Variants in FGFR2 observed in about 807,000 individuals in gnomAD.
The protein encoded by FGFR2 is fibroblast growth factor receptor 2.
A neutral mutation model predicts 95.9 loss-of-function variants in FGFR2; 19 were observed. The ratio of observed to expected loss-of-function variants is 0.20; its 90% CI spans 0.14 to 0.29. The LOEUF (loss-of-function observed/expected upper bound fraction) is 0.29. Among genes scored for constraint, FGFR2 ranks in the 10% least tolerant of loss-of-function variants. The pLI, the probability that FGFR2 is intolerant of heterozygous loss-of-function variation, is 1.00. For synonymous variants in FGFR2, 392 were observed against 393.3 expected (o/e 1.00, Z 0.04); for missense variants, 707 against 1,056.9 (o/e 0.67, Z 4.59).
intron 1 of FGFR2, among the ~76,000 whole-genome samples, chr10:121,596,046 T>A: frequency 6.6e-6 from 1 of 152,364 alleles, no homozygotes; most frequent in African/African-American, 2.4e-5. Flanking sequence ...GTGTTGGGAA[T>A]ACAGGCCCAG....
At chr10:121,550,456 C>A (rs556815556) in intron 5 of FGFR2, among the ~76,000 whole-genome samples, 1 of 152,248 alleles carries the variant, frequency 6.6e-6, no homozygotes, top group Admixed American at 6.5e-5. Context: ...GAGACAGCTG[C>A]CAATTTCAAA....
rs369690439 is a variant in FGFR2 at position 121,524,719 on chromosome 10, G to A, written c.749-4550C>T. ...TGATGGCAGGGTGCAGATGGTGGACGAGGATGCAGGCTGGGCAGAGTGGGG... is the reference window on the plus strand; with the variant it reads ...TGATGGCAGGGTGCAGATGGTGGACAAGGATGCAGGCTGGGCAGAGTGGGG... On this transcript the variant is annotated intron_variant, in intron 6 of 17. Transcript: ENST00000358487. 6.6e-5 allele frequency among the ~76,000 whole-genome samples: 10 copies of A among 152,336 alleles called. No homozygotes were observed. In the East Asian group the frequency reaches 9.7e-4, roughly 15 times the overall value.
chr10:121,551,376 G>A lies in FGFR2; in HGVS notation c.538C>T (p.Pro180Ser), dbSNP rs2134835543. The change falls in exon 5 of 18, where the codon CCA becomes TCA. Residue 180 changes from proline (P) to serine (S), a missense_variant. By Grantham distance (74) the Pro-to-Ser change is moderately conservative (BLOSUM62 -1). Around this residue, in one of 7 missense-constraint regions of FGFR2, gnomAD observed 139 missense variants for 278.1 expected, o/e 0.50. Coordinates refer to ENST00000358487, the MANE Select transcript of FGFR2 (RefSeq NM_000141.5). ...GTTGGCATTGGGTTCCCCCCGGCTG[G>A]GCAGCGAAACTTGACAGTGTTGGCC... is the stretch of plus-strand genomic sequence containing the variant. ...PAANTVKFRC[P>S]AGGNPMPTMR... The A allele has an allele frequency of 6.2e-7, 1 of 1,614,146 alleles. No individual in the cohort carries two copies. The highest frequency in any genetic ancestry group is 8.5e-7 in the Non-Finnish European group (1 of 1,180,034).
At chr10:121,580,594 C>T (rs979482686) in intron 2 of FGFR2, among the ~76,000 whole-genome samples, 3 of 152,134 alleles carry the variant, frequency 2.0e-5, no homozygotes, top group Non-Finnish European at 4.4e-5. Context: ...GGGCGGGACA[C>T]GGTCCCAGCT....
chr10:121,519,228 G>A (rs993267222), intron 7 of FGFR2, among the ~76,000 whole-genome samples: 1 of 152,176 alleles, frequency 6.6e-6, no homozygotes, highest in Non-Finnish European at 1.5e-5. Flanking sequence ...CATGGGAGGC[G>A]TGGTAGGCAA....
At chr10:121,538,235 T>C (rs532819479) in intron 6 of FGFR2, 1 of 647,524 alleles carries the variant, frequency 1.5e-6, no homozygotes, top group East Asian at 2.7e-5. Flanking sequence ...AAATGATGCT[T>C]CTCTTTTAAA....
rs1857516569 is a variant in FGFR2, at chr10:121,565,325, A to G, written c.376+113T>C. On this transcript the variant is annotated intron_variant, in intron 3 of 17. Transcript: ENST00000358487. ...CAAAGAAGAATTTCAAAAACTATGA[A>G]GCTGTATGCCTGGCATCCAATTACA... The G allele has an allele frequency of 1.0e-5, 14 of 1,365,578 alleles. No individual in the cohort carries two copies. The Middle Eastern group carries it at 1.5e-3, about 143-fold the overall frequency. 84.6% of individuals were successfully genotyped at this position (1,365,578 alleles called of 1,614,324 possible).
At chr10:121,513,082 C>T (rs528775268) in intron 9 of FGFR2, among the ~76,000 whole-genome samples, 2 of 152,274 alleles carry the variant, frequency 1.3e-5, no homozygotes, top group East Asian at 3.9e-4. Flanking sequence ...GTTAGTCAGG[C>T]TGGATGGTCT....
Position 121,479,511 on chromosome 10 carries a change from T to A in FGFR2, c.*346A>T, listed in dbSNP as rs1844398098. On this transcript the variant is annotated 3_prime_UTR_variant, in exon 18 of 18. Transcript: ENST00000358487. Reference sequence around the variant, plus strand: ...ACTGCATTTGTGCTCTGTAAGTGTGTGCTGACATAAATCTTCTCCAATTAT... The same window carrying A: ...ACTGCATTTGTGCTCTGTAAGTGTGAGCTGACATAAATCTTCTCCAATTAT... 7.8e-7 allele frequency: 1 copy of A among 1,289,332 alleles called. No individual in the cohort carries two copies. The highest frequency in any genetic ancestry group is 1.5e-5 in the African/African-American group (1 of 68,004). The allele number at this position is 1,289,332 out of a possible 1,614,324, so 79.9% of individuals were successfully genotyped here. A position where few individuals can be genotyped will look rare whatever the true frequency, so the allele number is the denominator to read the frequency against.
At chr10:121,549,599 C>T (rs1855069165) in intron 5 of FGFR2, among the ~76,000 whole-genome samples, 2 of 152,184 alleles carry the variant, frequency 1.3e-5, no homozygotes, top group South Asian at 4.1e-4. Flanking sequence ...CACTAGGTTA[C>T]AAAAGGCTCT....
At chr10:121,483,638 AC>A in intron 17 of FGFR2, 59 bp downstream of exon 17, 1 of 1,234,212 alleles carries the variant, frequency 8.1e-7, no homozygotes, top group Non-Finnish European at 1.2e-6. Context: ...TGTGTGTAAA[AC>A]ACTACGCATG....
chr10:121,532,026 C>T (rs977695348), intron 6 of FGFR2, among the ~76,000 whole-genome samples: 1 of 152,208 alleles, frequency 6.6e-6, no homozygotes, highest in East Asian at 1.9e-4. Flanking sequence ...GGCTTTCTGC[C>T]CCCCTCCGGT....
At chr10:121,501,579 G>T (rs1291903195) in intron 10 of FGFR2, among the ~76,000 whole-genome samples, 1 of 152,046 alleles carries the variant, frequency 6.6e-6, no homozygotes, top group Non-Finnish European at 1.5e-5. Flanking sequence ...AGATTACAAG[G>T]TCTATGCACA....
chr10:121,508,822 A>G (rs769875114), intron 9 of FGFR2, among the ~76,000 whole-genome samples: 13 of 152,240 alleles, frequency 8.5e-5, no homozygotes, highest in Admixed American at 4.6e-4. Flanking sequence ...TGCTCTGTCT[A>G]CTGAGGTATA....
intron 4 of FGFR2, among the ~76,000 whole-genome samples, chr10:121,562,878 G>C (rs955181976): frequency 6.6e-6 from 1 of 152,194 alleles, no homozygotes; most frequent in African/African-American, 2.4e-5. Context: ...TGCATGTGTT[G>C]GGGAAGATTA....
chr10:121,480,169 T>C (rs1296941142), intron 17 of FGFR2, 148 bp from the exon 18 acceptor site: 2 of 925,626 alleles, frequency 2.2e-6, no homozygotes, highest in African/African-American at 3.2e-5. Context: ...GAGATGTGGG[T>C]ATTGGACGTG....
At chr10:121,493,968 T>C (rs1258858567) in intron 13 of FGFR2, among the ~76,000 whole-genome samples, 1 of 151,720 alleles carries the variant, frequency 6.6e-6, no homozygotes, top group East Asian at 1.9e-4. Context: ...ATCAATCCAT[T>C]CATTATCCCA....
chr10:121,577,158 A>AAAAAAAAAAAT (rs1554858932), intron 2 of FGFR2, among the ~76,000 whole-genome samples: 1 of 13,944 alleles, frequency 7.2e-5, no homozygotes, highest in Non-Finnish European at 1.2e-4. Context: ...AAAAAAAAAA[A>AAAAAAAAAAAT]ATATATATAT....
rs539985411 is a variant in FGFR2 at position 121,507,059 on chromosome 10, G to C, written c.1288-3118C>G. Among the ~76,000 whole-genome samples the C allele has an allele frequency of 2.0e-5, 3 of 152,274 alleles. No homozygotes were observed. In the South Asian group the frequency reaches 6.2e-4, roughly 32 times the overall value. On this transcript the variant is annotated intron_variant, in intron 9 of 17. Coordinates refer to ENST00000358487, the MANE Select transcript of FGFR2 (RefSeq NM_000141.5). The stretch of plus-strand genomic sequence containing the variant: ...CTTCTGCTACCAGGCTAGGTTTTGT[G>C]GCATCTCTGCATCCTTCGATGTGGG...
Sources: allele counts gnomAD v4.1 joint callset (sites outside exome capture counted in the v4.1 genomes callset), GRCh38; gene constraint gnomAD v4.1.1; regional missense constraint gnomAD v4.1.1; transcripts MANE v1.5; gene names NCBI Gene and HGNC (gene_info 2026-07-23, HGNC 2026-07-21).